The following CCDC39 variants were observed in gnomAD, a reference collection of about 807,000 sequenced individuals.
CCDC39 encodes the protein coiled-coil domain-containing protein 39.
In CCDC39, 113 loss-of-function variants were observed where a neutral mutation model predicts 121.0. That is an observed-to-expected ratio of 0.93 (90% confidence interval 0.80 to 1.09). CCDC39 has a LOEUF of 1.09. CCDC39 is among the 50% of genes least tolerant of loss of function. The probability of loss-of-function intolerance (pLI) is 0.00; values close to 1 mark genes in which losing one functional copy is unlikely to be tolerated. For missense variants in CCDC39, 1,063 were observed against 1,074.7 expected (o/e 0.99, Z 0.15); for synonymous variants, 349 against 352.2 (o/e 0.99, Z 0.10).
At chr3:180,664,382 C>T (rs1475444063) in intron 1 of CCDC39, among the ~76,000 whole-genome samples, 5 of 152,170 alleles carry the variant, frequency 3.3e-5, no homozygotes, top group African/African-American at 4.8e-5. Context: ...AAAGGCTTCA[C>T]CTCGAAATAC....
At chr3:180,665,185 T>A (rs554356380) in intron 1 of CCDC39, among the ~76,000 whole-genome samples, 1 of 152,358 alleles carries the variant, frequency 6.6e-6, no homozygotes, top group South Asian at 2.1e-4. Context: ...CTGACTCTTA[T>A]GTACCTAGAA....
rs755473950 is a variant in CCDC39 at position 180,663,875 on chromosome 3, T to C, written c.202A>G (p.Ile68Val). The part of the protein sequence containing the change: ...HFKNVKQELS[I>V]TQSLCKARER... ...AATTTCAGTTACTGTACCTGTGTAA[T>C]TGAGAGCTCTTGCTTAACATTTTTG... The change falls in exon 2 of 20, where the codon ATT (isoleucine) becomes GTT (valine). Residue 68 changes from isoleucine (I) to valine (V), a missense_variant. Coordinates refer to ENST00000476379, the MANE Select transcript of CCDC39 (RefSeq NM_181426.2). 9 of 1,612,418 alleles carry C rather than the reference T, an allele frequency of 5.6e-6. No homozygotes were observed. The South Asian group carries it at 8.8e-5, about 16-fold the overall frequency.
At chr3:180,632,157 T>C (rs1328777472) in intron 13 of CCDC39, among the ~76,000 whole-genome samples, 2 of 152,192 alleles carry the variant, frequency 1.3e-5, no homozygotes, top group South Asian at 2.1e-4. Flanking sequence ...CAGAAGGAGA[T>C]ACTACCTCTA....
intron 11 of CCDC39, 97 bp from the exon 12 acceptor site, chr3:180,644,354 T>A (rs1412900001): frequency 2.7e-5 from 18 of 664,810 alleles, no homozygotes; most frequent in Admixed American, 3.7e-5. Context: ...TTAAATTATA[T>A]ACTCAGATAT....
chr3:180,657,553 C>T (rs1711611876), intron 6 of CCDC39, among the ~76,000 whole-genome samples: 1 of 152,158 alleles, frequency 6.6e-6, no homozygotes, highest in Non-Finnish European at 1.5e-5. Context: ...AAATAACATC[C>T]CACTGCACCC....
At chr3:180,651,934 G>GA (rs1238124547) in intron 8 of CCDC39, among the ~76,000 whole-genome samples, 2 of 151,914 alleles carry the variant, frequency 1.3e-5, no homozygotes, top group African/African-American at 4.8e-5. Flanking sequence ...CTACTCAGGA[G>GA]ACTGAGGCAG....
intron 19 of CCDC39, 108 bp downstream of exon 19, chr3:180,616,173 A>G: frequency 1.2e-6 from 1 of 837,296 alleles, no homozygotes; most frequent in Non-Finnish European, 2.0e-6. Context: ...GAACACTGGC[A>G]GTGAGTGCAT....
intron 13 of CCDC39, among the ~76,000 whole-genome samples, chr3:180,637,153 A>G (rs1717849038): frequency 1.3e-5 from 2 of 152,194 alleles, no homozygotes; most frequent in South Asian, 4.1e-4. Context: ...AACCTACAAA[A>G]TGGGAGAAAA....
Position 180,679,478 on chromosome 3 carries a change from G to C in CCDC39, c.-98C>G, listed in dbSNP as rs1037644288. 13 of 1,137,960 alleles carry C rather than the reference G, an allele frequency of 1.1e-5. No homozygotes were observed. The highest frequency in any genetic ancestry group is 2.3e-5 in the East Asian group (1 of 42,762). The allele number at this position is 1,137,960 out of a possible 1,614,324, so 70.5% of individuals were successfully genotyped here. A position where few individuals can be genotyped will look rare whatever the true frequency, so the allele number is the denominator to read the frequency against. On this transcript the variant is annotated 5_prime_UTR_variant, in exon 1 of 20. Transcript: ENST00000476379. The surrounding 1 kb of genome is among the most constrained non-coding windows in gnomAD (Gnocchi z 4.0). ...CAAGCCCAGGCACCTGCACAGTGCC[G>C]CGGCAATTGCCGGGGGAGCCCTAGC...
chr3:180,679,176 G>A lies in CCDC39; in HGVS notation c.90+115C>T. The A allele has an allele frequency of 2.5e-6, 2 of 805,454 alleles. No homozygotes were observed. The highest frequency in any genetic ancestry group is 2.7e-5 in the South Asian group (2 of 73,008). The allele number at this position is 805,454 out of a possible 1,614,324, so 49.9% of individuals were successfully genotyped here. ...GGCGATGGTGCGGGGGAGTGTTAGA[G>A]GAAGCACAGGATTAGGAAAGGAGAG... On this transcript the variant is annotated intron_variant, in intron 1 of 19. Coordinates refer to ENST00000476379, the MANE Select transcript of CCDC39 (RefSeq NM_181426.2). The surrounding 1 kb of genome is among the most constrained non-coding windows in gnomAD (Gnocchi z 4.0).
chr3:180,655,971 TG>T (rs1477774819), intron 6 of CCDC39, among the ~76,000 whole-genome samples: 1 of 152,094 alleles, frequency 6.6e-6, no homozygotes, highest in African/African-American at 2.4e-5. Context: ...CACAGGAGAT[TG>T]GGGGAGGAGG....
chr3:180,632,272 T>C (rs1014297080), intron 13 of CCDC39, among the ~76,000 whole-genome samples: 1 of 152,198 alleles, frequency 6.6e-6, no homozygotes, highest in Non-Finnish European at 1.5e-5. Context: ...GTTGGTTACT[T>C]TCTCCTTTTA....
chr3:180,631,349 A>T, intron 14 of CCDC39, 120 bp downstream of exon 14: 1 of 914,442 alleles, frequency 1.1e-6, no homozygotes, highest in Non-Finnish European at 1.7e-6. Flanking sequence ...AATAGTTGCT[A>T]GATTTCATGG....
intron 14 of CCDC39, among the ~76,000 whole-genome samples, chr3:180,627,926 G>C (rs1262254307): frequency 1.3e-5 from 2 of 152,176 alleles, no homozygotes; most frequent in Non-Finnish European, 2.9e-5. Context: ...AAGTTAAATG[G>C]AGGTCATTAG....
At chr3:180,620,811 T>C (rs892577817) in intron 14 of CCDC39, among the ~76,000 whole-genome samples, 1 of 152,098 alleles carries the variant, frequency 6.6e-6, no homozygotes, top group African/African-American at 2.4e-5. Flanking sequence ...CAAGTATATT[T>C]TGTTACATGG....
chr3:180,621,188 C>G (rs767125425), intron 14 of CCDC39, among the ~76,000 whole-genome samples: 1 of 152,090 alleles, frequency 6.6e-6, no homozygotes, highest in Non-Finnish European at 1.5e-5. Context: ...TCGGTTGAAT[C>G]CACATCTTTG....
rs998473653 is a variant in CCDC39, at chr3:180,654,811, C to G, written c.881G>C (p.Arg294Thr). Residue 294 changes from arginine (R) to threonine (T), a missense_variant, in exon 7 of 20, where the codon AGA (arginine) becomes ACA (threonine). By Grantham distance (71) the Arg-to-Thr change is moderately conservative (BLOSUM62 -1). Transcript: ENST00000476379. ...SVADRKLLKC[R>T]TAYQDHETSR... Reference sequence around the variant, plus strand: ...AGTTTCATGGTCCTGATATGCCGTTCTACATTTTAAAAGTTTACGATCAGC... The same window carrying G: ...AGTTTCATGGTCCTGATATGCCGTTGTACATTTTAAAAGTTTACGATCAGC... 6.2e-7 allele frequency: 1 copy of G among 1,611,026 alleles called. No individual in the cohort carries two copies. Among genetic ancestry groups the G allele is most frequent in the Non-Finnish European group, 8.5e-7 (1 of 1,178,660 alleles).
chr3:180,660,548 G>A, intron 4 of CCDC39, 22 bp downstream of exon 4: 1 of 1,546,376 alleles, frequency 6.5e-7, no homozygotes, highest in East Asian at 2.3e-5. Flanking sequence ...AAACCTAACA[G>A]TTACAATTTG....
chr3:180,622,156 A>G, intron 14 of CCDC39, among the ~76,000 whole-genome samples: 1 of 152,008 alleles, frequency 6.6e-6, no homozygotes, highest in Non-Finnish European at 1.5e-5. Context: ...ATACATTTCT[A>G]GGTACTGTTT....
Sources: gnomAD v4.1 joint callset for allele counts (sites outside exome capture counted in the v4.1 genomes callset) on GRCh38, gnomAD v4.1.1 for gene constraint, Gnocchi (gnomAD v3.1) non-coding constraint, MANE v1.5 for transcripts, NCBI Gene and HGNC (gene_info 2026-07-23, HGNC 2026-07-21) for gene names.